The following TPBG variants were observed in gnomAD, a reference collection of about 807,000 sequenced individuals.
TPBG encodes the protein trophoblast glycoprotein, also known as 5T4 oncofetal antigen.
Under a neutral mutation model 19.3 loss-of-function variants are expected in TPBG, and 13 were observed. The ratio of observed to expected loss-of-function variants is 0.67; its 90% CI spans 0.44 to 1.07. The LOEUF (loss-of-function observed/expected upper bound fraction) is 1.07, where lower values mean the gene tolerates loss of function less well. Among genes scored for constraint, TPBG ranks in the 50% least tolerant of loss-of-function variants. The pLI is 0.00. For missense variants in TPBG, 642 were observed against 559.6 expected (o/e 1.15, Z -1.49); for synonymous variants, 338 against 259.8 (o/e 1.30, Z -2.89).
upstream of TPBG, chr6:82,363,806 G>A (rs1767387416): frequency 2.0e-5 from 3 of 152,506 alleles, no homozygotes; most frequent in South Asian, 6.2e-4. Context: ...GGTTGGGCCA[G>A]GGGCTGGGGT....
chr6:82,364,762 G>A lies in TPBG; in HGVS notation c.-200G>A. 2 of 470,582 alleles carry A rather than the reference G, an allele frequency of 4.3e-6. No homozygotes were observed. Among genetic ancestry groups the A allele is most frequent in the Non-Finnish European group, 7.3e-6 (2 of 273,606 alleles). The allele number at this position is 470,582 out of a possible 1,614,324, so 29.2% of individuals were successfully genotyped here. On this transcript the variant is annotated 5_prime_UTR_variant, in exon 2 of 2. Coordinates refer to ENST00000369750, the MANE Select transcript of TPBG (RefSeq NM_001376922.1). ...TGCGTACTTTCTGGAGGGAAGGGGC[G>A]GGGGAATCGGCCCCTGAGGGAAGCG...
Position 82,365,099 on chromosome 6 carries a change from G to T in TPBG, c.138G>T (p.Pro46=). The change falls in exon 2 of 2, where the codon CCG becomes CCT. Residue 46 remains proline, a synonymous_variant. Transcript: ENST00000369750. The part of the protein sequence containing the change: ...SSASSFSSSA[P]FLASAVSAQP... ...CATCCTCCTTCTCCTCCTCGGCGCC[G>T]TTCCTGGCTTCCGCCGTGTCCGCCC... The T allele has an allele frequency of 6.3e-7, 1 of 1,581,512 alleles. No homozygotes were observed. The highest frequency in any genetic ancestry group is 8.6e-7 in the Non-Finnish European group (1 of 1,163,942).
At chr6:82,363,970 A>C (rs1767395557) in intron 1 of TPBG, 62 bp downstream of exon 1, 2 of 152,576 alleles carry the variant, frequency 1.3e-5, no homozygotes, top group South Asian at 4.1e-4. Flanking sequence ...GCCCCTCCCC[A>C]TCCTCGGGTG....
In TPBG at chr6:82,366,851, GA is replaced by G. The variant is rs778516083; in HGVS notation, c.*628del. The G allele has an allele frequency of 3.1e-4, 51 of 164,610 alleles. No homozygotes were observed. The highest frequency in any genetic ancestry group is 6.2e-4 in the Non-Finnish European group (42 of 67,682). The allele number at this position is 164,610 out of a possible 1,614,324, so 10.2% of individuals were successfully genotyped here. ...ATTGCAGTTTATATGAAAATGTACT[GA>G]TTTTTTTTTAATAAACTGCATCGAG... On this transcript the variant is annotated 3_prime_UTR_variant, in exon 2 of 2. Coordinates refer to ENST00000369750, the MANE Select transcript of TPBG (RefSeq NM_001376922.1).
In TPBG at chr6:82,365,891, G is replaced by C; in HGVS notation, c.930G>C (p.Lys310Asn). The C allele has an allele frequency of 1.2e-6, 2 of 1,614,188 alleles. No individual in the cohort carries two copies. Among genetic ancestry groups the C allele is most frequent in the Non-Finnish European group, 1.7e-6 (2 of 1,180,044 alleles). ...CHMADMVTWLKETEVVQGKDR... is the reference protein window; with the variant it reads ...CHMADMVTWLNETEVVQGKDR... ...TGGCAGACATGGTGACCTGGCTCAA[G>C]GAAACAGAGGTAGTGCAGGGCAAAG... Residue 310 changes from lysine (K) to asparagine (N), a missense_variant, in exon 2 of 2, where the codon AAG (lysine) becomes AAC (asparagine). Physicochemically the swap from Lys to Asn is moderately conservative, Grantham distance 94. Transcript: ENST00000369750.
Position 82,365,084 on chromosome 6 carries a change from C to T in TPBG, c.123C>T (p.Phe41=), listed in dbSNP as rs1454191987. The stretch of plus-strand genomic sequence containing the variant: ...CTCCCACCTCCTCGGCATCCTCCTT[C>T]TCCTCCTCGGCGCCGTTCCTGGCTT... ...SSSPTSSASS[F]SSSAPFLASA... is the part of the protein sequence containing the mutation. The change falls in exon 2 of 2, where the codon TTC becomes TTT. Residue 41 remains phenylalanine, a synonymous_variant. Coordinates refer to ENST00000369750, the MANE Select transcript of TPBG (RefSeq NM_001376922.1). 6 of 1,565,852 alleles carry T rather than the reference C, an allele frequency of 3.8e-6. No individual in the cohort carries two copies. The highest frequency in any genetic ancestry group is 2.4e-5 in the East Asian group (1 of 41,638).
rs761235105 is a variant in TPBG at position 82,365,138 on chromosome 6, G to A, written c.177G>A (p.Pro59=). 1.4e-5 allele frequency: 23 copies of A among 1,603,752 alleles called. 1 individual carries two copies. Among genetic ancestry groups the A allele is most frequent in the South Asian group, 3.3e-5 (3 of 89,700 alleles). The change falls in exon 2 of 2, where the codon CCG becomes CCA. Residue 59 remains proline (P), a synonymous_variant. Coordinates refer to ENST00000369750, the MANE Select transcript of TPBG (RefSeq NM_001376922.1). The stretch of plus-strand genomic sequence containing the variant: ...CCGTGTCCGCCCAGCCCCCGCTGCC[G>A]GACCAGTGCCCCGCGCTGTGCGAGT... The part of the protein sequence containing the change: ...ASAVSAQPPL[P]DQCPALCECS...
chr6:82,366,433 C>A lies in TPBG; in HGVS notation c.*209C>A. ...ATGAACAGTTGTGTATAGTGTTTTA[C>A]CCTCTTCTTTTTCTTGGAACTCCTC... On this transcript the variant is annotated 3_prime_UTR_variant, in exon 2 of 2. Coordinates refer to ENST00000369750, the MANE Select transcript of TPBG (RefSeq NM_001376922.1). 1.9e-6 allele frequency: 1 copy of A among 534,642 alleles called. No homozygotes were observed. Among genetic ancestry groups the A allele is most frequent in the Non-Finnish European group, 3.2e-6 (1 of 315,970 alleles). The allele number at this position is 534,642 out of a possible 1,614,324, so 33.1% of individuals were successfully genotyped here. A position where few individuals can be genotyped will look rare whatever the true frequency, so the allele number is the denominator to read the frequency against.
At position 82,365,058 on chromosome 6, in the gene TPBG, T is replaced by C. The variant is rs922844319; in HGVS notation, c.97T>C (p.Ser33Pro). Reference sequence around the variant, plus strand: ...ACTCCTGGGCTGGGTCTCCTCGTCTTCTCCCACCTCCTCGGCATCCTCCTT... The same window carrying C: ...ACTCCTGGGCTGGGTCTCCTCGTCTCCTCCCACCTCCTCGGCATCCTCCTT... ...LVLLGWVSSS[S>P]PTSSASSFSS... Residue 33 changes from serine (S) to proline (P), a missense_variant, in exon 2 of 2, where the codon TCT becomes CCT. Ser to Pro is a moderately conservative substitution (Grantham distance 74). Coordinates refer to ENST00000369750, the MANE Select transcript of TPBG (RefSeq NM_001376922.1). 2.6e-6 allele frequency: 4 copies of C among 1,552,298 alleles called. No individual in the cohort carries two copies. The highest frequency in any genetic ancestry group is 3.5e-6 in the Non-Finnish European group (4 of 1,148,122).
intron 1 of TPBG, chr6:82,364,194 C>G (rs1052261145): frequency 2.6e-5 from 4 of 152,570 alleles, no homozygotes; most frequent in African/African-American, 7.2e-5. Flanking sequence ...TGAAACTTCC[C>G]TCGCATCCTA....
Position 82,364,717 on chromosome 6 carries a change from C to G in TPBG, c.-245C>G. On this transcript the variant is annotated 5_prime_UTR_variant, in exon 2 of 2. Coordinates refer to ENST00000369750, the MANE Select transcript of TPBG (RefSeq NM_001376922.1). The stretch of plus-strand genomic sequence containing the variant: ...GAGGAGCGGGAGCAGGAGCGCGGAG[C>G]GGAGCGTCCCGACCCGCCGTGCGTA... 2.3e-6 allele frequency: 1 copy of G among 434,150 alleles called. No individual in the cohort carries two copies. The highest frequency in any genetic ancestry group is 4.0e-6 in the Non-Finnish European group (1 of 249,916). The allele number at this position is 434,150 out of a possible 1,614,324, so 26.9% of individuals were successfully genotyped here. A position where few individuals can be genotyped will look rare whatever the true frequency, so the allele number is the denominator to read the frequency against.
In TPBG at chr6:82,365,095, C is replaced by T; in HGVS notation, c.134C>T (p.Ala45Val). Residue 45 changes from alanine to valine, a missense_variant, in exon 2 of 2, where the codon GCG (alanine) becomes GTG (valine). Transcript: ENST00000369750. The part of the protein sequence containing the change: ...TSSASSFSSS[A>V]PFLASAVSAQ... ...TCGGCATCCTCCTTCTCCTCCTCGG[C>T]GCCGTTCCTGGCTTCCGCCGTGTCC... is the stretch of plus-strand genomic sequence containing the variant. 5 of 1,575,680 alleles carry T rather than the reference C, an allele frequency of 3.2e-6. No individual in the cohort carries two copies. The highest frequency in any genetic ancestry group is 4.3e-6 in the Non-Finnish European group (5 of 1,160,830).
chr6:82,363,120 T>G (rs1767364217), upstream of TPBG: 2 of 152,164 alleles, frequency 1.3e-5, no homozygotes, highest in Admixed American at 1.3e-4. Context: ...TTTGGCTGCC[T>G]TTCTCTTCCA....
chr6:82,365,227 T>G lies in TPBG; in HGVS notation c.266T>G (p.Leu89Arg). The G allele has an allele frequency of 1.3e-6, 2 of 1,593,200 alleles. No individual in the cohort carries two copies. The highest frequency in any genetic ancestry group is 1.7e-6 in the Non-Finnish European group (2 of 1,174,130). The change falls in exon 2 of 2, where the codon CTG (leucine) becomes CGG (arginine). Residue 89 changes from leucine (L) to arginine (R), a missense_variant. Leu to Arg is a moderately radical substitution (Grantham distance 102, BLOSUM62 -2). Coordinates refer to ENST00000369750, the MANE Select transcript of TPBG (RefSeq NM_001376922.1). Reference protein sequence around the residue: ...NRNLTEVPTDLPAYVRNLFLT... With the variant: ...NRNLTEVPTDRPAYVRNLFLT... Reference sequence around the variant, plus strand: ...AATCTGACCGAGGTGCCCACGGACCTGCCCGCCTACGTGCGCAACCTCTTC... The same window carrying G: ...AATCTGACCGAGGTGCCCACGGACCGGCCCGCCTACGTGCGCAACCTCTTC...
Position 82,366,368 on chromosome 6 carries a change from T to A in TPBG, c.*144T>A. On this transcript the variant is annotated 3_prime_UTR_variant, in exon 2 of 2. Coordinates refer to ENST00000369750, the MANE Select transcript of TPBG (RefSeq NM_001376922.1). ...GCAGTGAAGGGGATTTGCTTCCTTG[T>A]TATGTAAAGTTTCTCGGTGTGTTCT... The A allele has an allele frequency of 1.1e-6, 1 of 933,050 alleles. No homozygotes were observed. The highest frequency in any genetic ancestry group is 2.7e-5 in the East Asian group (1 of 37,210). 57.8% of individuals were successfully genotyped at this position (933,050 alleles called of 1,614,324 possible).
Position 82,365,166 on chromosome 6 carries a change from T to C in TPBG, c.205T>C (p.Ser69Pro). The change falls in exon 2 of 2, where the codon TCC becomes CCC. Residue 69 changes from serine to proline, a missense_variant. Ser to Pro is a moderately conservative substitution (Grantham distance 74). Transcript: ENST00000369750. ...CCAGTGCCCCGCGCTGTGCGAGTGC[T>C]CCGAGGCAGCGCGCACAGTCAAGTG... is the stretch of plus-strand genomic sequence containing the variant. ...PDQCPALCEC[S>P]EAARTVKCVN... 6.2e-7 allele frequency: 1 copy of C among 1,604,430 alleles called. No individual in the cohort carries two copies. The highest frequency in any genetic ancestry group is 8.5e-7 in the Non-Finnish European group (1 of 1,176,532).
At chr6:82,363,541 T>G (rs1767374178), upstream of TPBG, 1 of 151,924 alleles carries the variant, frequency 6.6e-6, no homozygotes, top group African/African-American at 2.4e-5. Flanking sequence ...CAGTCCAAGG[T>G]AAATACAGTA....
rs766516509 is a variant in TPBG at position 82,365,567 on chromosome 6, C to T, written c.606C>T (p.Ala202=). The T allele has an allele frequency of 6.3e-7, 1 of 1,579,224 alleles. No homozygotes were observed. Among genetic ancestry groups the T allele is most frequent in the South Asian group, 1.2e-5 (1 of 84,840 alleles). The part of the protein sequence containing the change: ...NRSFEGMVVA[A]LLAGRALQGL... ...GCTTCGAGGGCATGGTGGTGGCGGCCCTGCTGGCGGGCCGTGCACTGCAGG... is the reference window on the plus strand; with the variant it reads ...GCTTCGAGGGCATGGTGGTGGCGGCTCTGCTGGCGGGCCGTGCACTGCAGG... The change falls in exon 2 of 2, where the codon GCC becomes GCT. Residue 202 remains alanine, a synonymous_variant. Coordinates refer to ENST00000369750, the MANE Select transcript of TPBG (RefSeq NM_001376922.1).
Position 82,366,228 on chromosome 6 carries a change from A to AT in TPBG, c.*5dup. 1 of 1,573,790 alleles carries AT rather than the reference A, an allele frequency of 6.4e-7. No homozygotes were observed. The highest frequency in any genetic ancestry group is 2.2e-5 in the East Asian group (1 of 44,684). The stretch of plus-strand genomic sequence containing the variant: ...CAGTTCTAACTCGGATGTCTGAGAA[A>AT]TATTAGAGGACAGACCAAGGACAAC... On this transcript the variant is annotated 3_prime_UTR_variant, in exon 2 of 2. Coordinates refer to ENST00000369750, the MANE Select transcript of TPBG (RefSeq NM_001376922.1).
Sources: gnomAD v4.1 joint callset for allele counts on GRCh38, gnomAD v4.1.1 for gene constraint, MANE v1.5 for transcripts, NCBI Gene and HGNC (gene_info 2026-07-23, HGNC 2026-07-21) for gene names.